Variants in FGGY observed in about 807,000 individuals in gnomAD.
FGGY encodes FGGY carbohydrate kinase domain containing, also known as FGGY carbohydrate kinase domain-containing protein.
In FGGY, 72 loss-of-function variants were observed where a neutral mutation model predicts 71.3. That is an observed-to-expected ratio of 1.01 (90% CI 0.84 to 1.23). The LOEUF is 1.23. Ranked by LOEUF, FGGY falls within the 50% of genes most tolerant of loss-of-function variation. FGGY has a pLI of 0.00. For synonymous variants in FGGY, 251 were observed against 250.3 expected (o/e 1.00, Z -0.02); for missense variants, 668 against 682.3 (o/e 0.98, Z 0.23).
At chr1:59,351,032 C>T (rs1205118618) in intron 4 of FGGY, among the ~76,000 whole-genome samples, 1 of 152,142 alleles carries the variant, frequency 6.6e-6, no homozygotes, top group African/African-American at 2.4e-5. Flanking sequence ...AATGGTTTTA[C>T]ATTTTCAAGT....
chr1:59,481,772 T>A (rs1203050533), intron 6 of FGGY, among the ~76,000 whole-genome samples: 3 of 152,164 alleles, frequency 2.0e-5, no homozygotes, highest in East Asian at 1.9e-4. Flanking sequence ...AGTAAGAGAT[T>A]AAACTGAACA....
chr1:59,576,956 G>A (rs1191799090), intron 8 of FGGY, among the ~76,000 whole-genome samples: 2 of 152,134 alleles, frequency 1.3e-5, no homozygotes, highest in African/African-American at 4.8e-5. Flanking sequence ...CTAGCACAAT[G>A]CCTGTAAGTT....
chr1:59,687,481 T>G (rs1245448723), intron 14 of FGGY, among the ~76,000 whole-genome samples: 1 of 152,020 alleles, frequency 6.6e-6, no homozygotes, highest in Non-Finnish European at 1.5e-5. Context: ...TCTTTTTTTT[T>G]TTTGAGACAC....
At chr1:59,480,248 G>T (rs628536) in intron 6 of FGGY, among the ~76,000 whole-genome samples, 1 of 151,802 alleles carries the variant, frequency 6.6e-6, no homozygotes, top group Non-Finnish European at 1.5e-5. Flanking sequence ...CCAAAAACCC[G>T]AATTATGGTC....
intron 14 of FGGY, among the ~76,000 whole-genome samples, chr1:59,739,306 T>C (rs2098129064): frequency 6.6e-6 from 1 of 152,232 alleles, no homozygotes; most frequent in African/African-American, 2.4e-5. Context: ...TTTTAATTGC[T>C]TGGTAGAGAT....
Position 59,556,900 on chromosome 1 carries a change from A to T in FGGY, c.903+2673A>T, listed in dbSNP as rs957846079. Among the ~76,000 whole-genome samples the T allele has an allele frequency of 2.6e-5, 4 of 152,172 alleles. No homozygotes were observed. In the East Asian group the frequency reaches 7.7e-4, roughly 29 times the overall value. ...TGGTTGCGATGAATGAGGGCCATAA[A>T]AGGCCAGTTTATGATGGCTGTGTTG... On this transcript the variant is annotated intron_variant, in intron 8 of 15. Coordinates refer to ENST00000303721, the MANE Select transcript of FGGY (RefSeq NM_018291.5).
intron 1 of FGGY, among the ~76,000 whole-genome samples, chr1:59,301,115 CATTT>C (rs2042680741): frequency 6.6e-6 from 1 of 152,080 alleles, no homozygotes; most frequent in Non-Finnish European, 1.5e-5. Context: ...TATATCTGTT[CATTT>C]ATTTAAGTCT....
chr1:59,545,960 T>G (rs2095513562), intron 7 of FGGY, among the ~76,000 whole-genome samples: 1 of 152,226 alleles, frequency 6.6e-6, no homozygotes, highest in South Asian at 2.1e-4. Context: ...GGCCCGCAAT[T>G]ATTTTGTCAT....
At chr1:59,740,258 C>A (rs552458422) in intron 14 of FGGY, among the ~76,000 whole-genome samples, 1 of 152,368 alleles carries the variant, frequency 6.6e-6, no homozygotes, top group East Asian at 1.9e-4. Flanking sequence ...CACTTCAGCT[C>A]AATTTCCCAT....
At chr1:59,305,539 A>G (rs917600836) in intron 1 of FGGY, among the ~76,000 whole-genome samples, 1 of 152,060 alleles carries the variant, frequency 6.6e-6, no homozygotes, top group Admixed American at 6.5e-5. Context: ...GTCCTTGTCT[A>G]GCTTTAGTTT....
intron 14 of FGGY, among the ~76,000 whole-genome samples, chr1:59,751,142 C>T (rs969859950): frequency 1.4e-4 from 22 of 152,194 alleles, no homozygotes; most frequent in African/African-American, 5.3e-4. Flanking sequence ...GGTTTTACTA[C>T]ATAATGGCTT....
intron 11 of FGGY, among the ~76,000 whole-genome samples, chr1:59,657,834 A>T (rs1276964379): frequency 6.6e-6 from 1 of 152,114 alleles, no homozygotes; most frequent in Non-Finnish European, 1.5e-5. Context: ...AAGTTTAGGG[A>T]TGGTGGAGGG....
intron 8 of FGGY, among the ~76,000 whole-genome samples, chr1:59,575,386 T>C (rs2096060922): frequency 6.6e-6 from 1 of 152,216 alleles, no homozygotes; most frequent in Non-Finnish European, 1.5e-5. Flanking sequence ...TGGTTTATTT[T>C]ACTTAGCATA....
chr1:59,586,574 A>G (rs34427031), intron 8 of FGGY, among the ~76,000 whole-genome samples: 26,713 of 151,986 alleles, frequency 0.18, 2,829 homozygotes, highest in South Asian at 0.35. Context: ...GAGTTAATGG[A>G]TGCAGCACAC....
At chr1:59,381,800 A>G (rs144976560) in intron 5 of FGGY, among the ~76,000 whole-genome samples, 241 of 152,324 alleles carry the variant, frequency 1.6e-3, no homozygotes, top group Non-Finnish European at 2.5e-3. Flanking sequence ...GTAGAAGTAT[A>G]TATGTTGAAG....
rs879680172 is a variant in FGGY at position 59,320,100 on chromosome 1, A to G, written c.-14-1436A>G. 4.2e-4 allele frequency among the ~76,000 whole-genome samples: 64 copies of G among 152,192 alleles called. 1 individual carries two copies. Among genetic ancestry groups the G allele is most frequent in the Admixed American group, 9.2e-4 (14 of 15,272 alleles). ...TTACACACCAGTGGAGGTCTGATGA[A>G]GCTCCTATGAACGGAGCAAATGTTA... On this transcript the variant is annotated intron_variant, in intron 1 of 15. Transcript: ENST00000303721.
chr1:59,636,480 A>G (rs868346637), intron 10 of FGGY, among the ~76,000 whole-genome samples: 5 of 152,160 alleles, frequency 3.3e-5, no homozygotes, highest in African/African-American at 1.2e-4. Flanking sequence ...AAAATTAGCC[A>G]GGCGTGGTGG....
chr1:59,731,521 G>T (rs570463019), intron 14 of FGGY, among the ~76,000 whole-genome samples: 35 of 152,264 alleles, frequency 2.3e-4, no homozygotes, highest in Middle Eastern at 6.8e-3. Context: ...CCTTAAGAAG[G>T]TTGTAGGGGG....
intron 5 of FGGY, among the ~76,000 whole-genome samples, chr1:59,410,221 T>G (rs905333172): frequency 1.1e-4 from 17 of 152,234 alleles, no homozygotes; most frequent in African/African-American, 4.1e-4. Context: ...AGTTTCAGTT[T>G]TCTGAGAAAC....
Sources: gnomAD v4.1 joint callset for allele counts (sites outside exome capture counted in the v4.1 genomes callset) on GRCh38, gnomAD v4.1.1 for gene constraint, MANE v1.5 for transcripts, NCBI Gene and HGNC (gene_info 2026-07-23, HGNC 2026-07-21) for gene names.